Variants in TWF1 observed in about 807,000 individuals in gnomAD.
The protein encoded by TWF1 is twinfilin-1.
TWF1 carries 14 observed loss-of-function variants against 47.9 expected under a neutral mutation model. That is an observed-to-expected ratio of 0.29 (90% CI 0.19 to 0.46). The LOEUF (loss-of-function observed/expected upper bound fraction) is 0.46, where lower values mean the gene tolerates loss of function less well. TWF1 is among the 20% of genes least tolerant of loss of function. The pLI is 1.00. For missense variants in TWF1, 281 were observed against 409.3 expected (o/e 0.69, Z 2.70); for synonymous variants, 96 against 139.2 (o/e 0.69, Z 2.18).
intron 6 of TWF1, 102 bp downstream of exon 6, chr12:43,797,606 C>T (rs1421368161): frequency 1.0e-5 from 15 of 1,460,488 alleles, no homozygotes; most frequent in Non-Finnish European, 1.1e-5. Context: ...TTTTAGAAAT[C>T]AGAAAGCTAT....
chr12:43,805,922 G>C (rs748303414), intron 1 of TWF1: 11 of 1,510,854 alleles, frequency 7.3e-6, no homozygotes, highest in South Asian at 2.2e-5. Context: ...GGCGACTGTC[G>C]GGGACGGTGG....
Position 43,806,256 on chromosome 12 carries a change from G to C in TWF1, c.-11C>G. 1 of 1,522,698 alleles carries C rather than the reference G, an allele frequency of 6.6e-7. No individual in the cohort carries two copies. Among genetic ancestry groups the C allele is most frequent in the Non-Finnish European group, 8.8e-7 (1 of 1,138,288 alleles). 94.3% of individuals were successfully genotyped at this position (1,522,698 alleles called of 1,614,324 possible). On this transcript the variant is annotated 5_prime_UTR_variant, in exon 1 of 9. Coordinates refer to ENST00000395510, the MANE Select transcript of TWF1 (RefSeq NM_002822.5). ...GGTCTGGTGGGACATGGCGGCGGCC[G>C]CTAGCTCCCGGCTCCGGCGCTGAGT...
At chr12:43,801,205 A>G (rs1334667365) in intron 3 of TWF1, among the ~76,000 whole-genome samples, 1 of 152,254 alleles carries the variant, frequency 6.6e-6, no homozygotes, top group Non-Finnish European at 1.5e-5. Context: ...ATTACGAATT[A>G]AGTTGTTAAG....
In TWF1 at chr12:43,797,471, A is replaced by G. The variant is rs1195237155; in HGVS notation, c.610-19T>C. On this transcript the variant is annotated intron_variant, in intron 6 of 8. Coordinates refer to ENST00000395510, the MANE Select transcript of TWF1 (RefSeq NM_002822.5). ...CTATTTCCTGCCAATAAGAAACAAAATATGTTCATTAAAACCAGATATAAG... is the reference window on the plus strand; with the variant it reads ...CTATTTCCTGCCAATAAGAAACAAAGTATGTTCATTAAAACCAGATATAAG... 6.4e-7 allele frequency: 1 copy of G among 1,550,728 alleles called. No individual in the cohort carries two copies. The highest frequency in any genetic ancestry group is 8.8e-7 in the Non-Finnish European group (1 of 1,140,576).
Position 43,806,267 on chromosome 12 carries a change from G to C in TWF1, c.-22C>G. ...ACATGGCGGCGGCCGCTAGCTCCCG[G>C]CTCCGGCGCTGAGTGCAGCCAGCGG... On this transcript the variant is annotated 5_prime_UTR_variant, in exon 1 of 9. Coordinates refer to ENST00000395510, the MANE Select transcript of TWF1 (RefSeq NM_002822.5). The C allele has an allele frequency of 6.6e-6, 10 of 1,519,038 alleles. No homozygotes were observed. The highest frequency in any genetic ancestry group is 2.0e-5 in the Admixed American group (1 of 49,162). The allele number at this position is 1,519,038 out of a possible 1,614,324, so 94.1% of individuals were successfully genotyped here. A position where few individuals can be genotyped will look rare whatever the true frequency, so the allele number is the denominator to read the frequency against.
intron 3 of TWF1, 132 bp from the exon 4 acceptor site, chr12:43,800,662 A>G: frequency 9.6e-6 from 6 of 626,076 alleles, no homozygotes; most frequent in South Asian, 6.1e-5. Flanking sequence ...CCACTATAAT[A>G]TGCTAAAATA....
intron 1 of TWF1, 124 bp downstream of exon 1, chr12:43,806,097 C>G: frequency 2.6e-6 from 4 of 1,521,130 alleles, no homozygotes; most frequent in Non-Finnish European, 3.5e-6. Flanking sequence ...AGGCCCGGCT[C>G]GCCCCGCGAG....
Position 43,800,511 on chromosome 12 carries a change from T to A in TWF1, c.302A>T (p.Tyr101Phe), listed in dbSNP as rs2138141165. 6.2e-7 allele frequency: 1 copy of A among 1,613,738 alleles called. No homozygotes were observed. The highest frequency in any genetic ancestry group is 1.1e-5 in the South Asian group (1 of 91,048). The change falls in exon 4 of 9, where the codon TAT (tyrosine) becomes TTT (phenylalanine). Residue 101 changes from tyrosine to phenylalanine, a missense_variant. Tyr to Phe is a conservative substitution (Grantham distance 22, BLOSUM62 3). Transcript: ENST00000395510. Reference sequence around the variant, plus strand: ...CTTCAGAGTTGCTCTTGTTGCTGCATACAACATTTTTTGACGAACCTATTC... The same window carrying A: ...CTTCAGAGTTGCTCTTGTTGCTGCAAACAACATTTTTTGACGAACCTATTC... ...DHSHVRQKMLYAATRATLKKE... is the reference protein window; with the variant it reads ...DHSHVRQKMLFAATRATLKKE...
chr12:43,806,127 G>A, intron 1 of TWF1, 94 bp downstream of exon 1: 3 of 1,527,066 alleles, frequency 2.0e-6, no homozygotes, highest in Non-Finnish European at 8.8e-7. Flanking sequence ...CGGAGCTCCC[G>A]GCCCGACTCC....
At chr12:43,799,593 A>G in intron 4 of TWF1, 91 bp from the exon 5 acceptor site, 1 of 597,580 alleles carries the variant, frequency 1.7e-6, no homozygotes, top group Non-Finnish European at 2.7e-6. Context: ...ATTAACAGAA[A>G]AGATTTTAAA....
At chr12:43,803,117 AAAT>A (rs1358778088) in intron 2 of TWF1, among the ~76,000 whole-genome samples, 4 of 152,186 alleles carry the variant, frequency 2.6e-5, no homozygotes, top group African/African-American at 9.6e-5. Flanking sequence ...GACAATGCAA[AAAT>A]AATGTGTGGC....
intron 1 of TWF1, 97 bp downstream of exon 1, chr12:43,806,124 C>T (rs994913827): frequency 9.2e-6 from 14 of 1,526,516 alleles, no homozygotes; most frequent in Non-Finnish European, 1.2e-5. Context: ...TTCCGGAGCT[C>T]CCGGCCCGAC....
At chr12:43,805,058 A>G (rs953942152) in intron 1 of TWF1, among the ~76,000 whole-genome samples, 1 of 152,252 alleles carries the variant, frequency 6.6e-6, no homozygotes, top group Non-Finnish European at 1.5e-5. Context: ...AAATGCATTC[A>G]GTCTTAACTC....
chr12:43,805,793 G>A (rs762647756), intron 1 of TWF1: 14 of 1,358,342 alleles, frequency 1.0e-5, no homozygotes, highest in African/African-American at 1.5e-5. Context: ...TCAAAGTCCT[G>A]TAATATTCTC....
In TWF1 at chr12:43,795,405, A is replaced by G. The variant is rs2138124390; in HGVS notation, c.*180T>C. The G allele has an allele frequency of 1.8e-6, 1 of 545,346 alleles. No individual in the cohort carries two copies. The highest frequency in any genetic ancestry group is 3.2e-6 in the Non-Finnish European group (1 of 308,228). The allele number at this position is 545,346 out of a possible 1,614,324, so 33.8% of individuals were successfully genotyped here. On this transcript the variant is annotated 3_prime_UTR_variant, in exon 9 of 9. Coordinates refer to ENST00000395510, the MANE Select transcript of TWF1 (RefSeq NM_002822.5). ...AACCCTTTTCTAGCTTTAACTCAAAAATAGAAATCATGAGTCTTCTATAAC... is the reference window on the plus strand; with the variant it reads ...AACCCTTTTCTAGCTTTAACTCAAAGATAGAAATCATGAGTCTTCTATAAC...
Position 43,804,530 on chromosome 12 carries a change from C to T in TWF1, c.68G>A (p.Gly23Glu). 9 of 1,602,448 alleles carry T rather than the reference C, an allele frequency of 5.6e-6. No individual in the cohort carries two copies. The highest frequency in any genetic ancestry group is 7.7e-6 in the Non-Finnish European group (9 of 1,175,578). Residue 23 changes from glycine (G) to glutamate (E), a missense_variant, in exon 2 of 9, where the codon GGA (glycine) becomes GAA (glutamate). Physicochemically the swap from Gly to Glu is moderately conservative, Grantham distance 98. Transcript: ENST00000395510. ...AGATATTTTCAGAAGTCTGTACTTT[C>T]CATTTCTGGCTCTGGCAAAGATCTC... ...VKEIFARARN[G>E]KYRLLKISIE... is the part of the protein sequence containing the mutation.
chr12:43,799,043 T>C (rs183555410), intron 5 of TWF1, among the ~76,000 whole-genome samples: 10 of 152,158 alleles, frequency 6.6e-5, no homozygotes, highest in East Asian at 3.9e-4. Flanking sequence ...ATAATCTGCT[T>C]CAGGCAACCT....
At chr12:43,804,228 T>C (rs1364882796) in intron 2 of TWF1, 1 of 486,686 alleles carries the variant, frequency 2.1e-6, no homozygotes, top group Non-Finnish European at 4.0e-6. Flanking sequence ...AGAAATGGAC[T>C]GTGGTGCAGA....
Position 43,802,351 on chromosome 12 carries a change from A to C in TWF1, c.217T>G (p.Leu73Val), listed in dbSNP as rs1222340817. The change falls in exon 3 of 9, where the codon TTA becomes GTA. Residue 73 changes from leucine to valine, a missense_variant. Transcript: ENST00000395510. ...TATCCCTGGGCATTCTGAGAATCTA[A>C]CCTGAATAATATATAGCATGGTTGT... ...DKQPCYILFR[L>V]DSQNAQGYEW... The C allele has an allele frequency of 2.5e-6, 4 of 1,599,012 alleles. No individual in the cohort carries two copies. In the African/African-American group the frequency reaches 5.4e-5, roughly 22 times the overall value.
Sources: gnomAD v4.1 joint callset for allele counts (sites outside exome capture counted in the v4.1 genomes callset) on GRCh38, gnomAD v4.1.1 for gene constraint, MANE v1.5 for transcripts, NCBI Gene and HGNC (gene_info 2026-07-23, HGNC 2026-07-21) for gene names.